The following VPS13C variants were observed in gnomAD, a reference collection of about 807,000 sequenced individuals.
VPS13C encodes the protein intermembrane lipid transfer protein VPS13C.
In VPS13C, 358 loss-of-function variants were observed where a neutral mutation model predicts 456.8. The ratio of observed to expected loss-of-function variants is 0.78; its 90% confidence interval spans 0.72 to 0.86. The LOEUF (loss-of-function observed/expected upper bound fraction) is 0.86. Ranked by LOEUF, VPS13C falls within the 40% of genes least tolerant of loss-of-function variation. VPS13C has a pLI of 0.00. For missense variants in VPS13C, 4,818 were observed against 4,385.4 expected (o/e 1.10, Z -2.79); for synonymous variants, 1,578 against 1,486.7 (o/e 1.06, Z -1.41).
chr15:61,947,461 G>T, intron 42 of VPS13C, 152 bp from the exon 43 acceptor site: 1 of 511,252 alleles, frequency 2.0e-6, no homozygotes, highest in Non-Finnish European at 3.4e-6. Context: ...CATAAATTTT[G>T]GAATAATTAT....
intron 9 of VPS13C, among the ~76,000 whole-genome samples, chr15:62,015,543 T>C (rs1470934714): frequency 1.3e-5 from 2 of 148,422 alleles, no homozygotes; most frequent in African/African-American, 5.1e-5. Context: ...CCAACAATGA[T>C]AGACTGGATT....
Position 61,959,550 on chromosome 15 carries a change from C to T in VPS13C, c.3954G>A (p.Leu1318=), listed in dbSNP as rs1567047511. ...CAAGAAATTCCAAGTTAATTGGGTG[C>T]AACAGCTGAATATCAGGATGGTAGA... ...PGIYHPDIQL[L]HPINLEFLVN... Residue 1318 remains leucine, a synonymous_variant, in exon 36 of 85, where the codon TTG becomes TTA. Coordinates refer to ENST00000644861, the MANE Select transcript of VPS13C (RefSeq NM_020821.3). The T allele has an allele frequency of 5.0e-6, 8 of 1,612,990 alleles. No individual in the cohort carries two copies. The highest frequency in any genetic ancestry group is 5.9e-6 in the Non-Finnish European group (7 of 1,179,326).
intron 81 of VPS13C, chr15:61,863,765 G>A (rs112750163): frequency 1.5e-4 from 50 of 334,320 alleles, no homozygotes; most frequent in African/African-American, 1.0e-3. Context: ...TGGTCTTCTG[G>A]TAAAATACAT....
At chr15:61,969,072 T>C (rs2045467205) in intron 28 of VPS13C, among the ~76,000 whole-genome samples, 1 of 152,128 alleles carries the variant, frequency 6.6e-6, no homozygotes, top group Admixed American at 6.6e-5. Context: ...TAGTAAATTA[T>C]ATTAATACAA....
At chr15:61,953,924 C>T (rs2044892263) in intron 38 of VPS13C, among the ~76,000 whole-genome samples, 1 of 152,156 alleles carries the variant, frequency 6.6e-6, no homozygotes, top group Admixed American at 6.6e-5. Context: ...TGAGTTCAGA[C>T]TCTACGCCTT....
At chr15:61,906,156 T>C (rs1167697097) in intron 66 of VPS13C, among the ~76,000 whole-genome samples, 1 of 152,178 alleles carries the variant, frequency 6.6e-6, no homozygotes, top group African/African-American at 2.4e-5. Flanking sequence ...CAACAATGTA[T>C]GATTTTCTTT....
Position 61,972,663 on chromosome 15 carries a change from C to T in VPS13C, c.2719G>A (p.Glu907Lys), listed in dbSNP as rs763408974. The change falls in exon 27 of 85, where the codon GAG (glutamate) becomes AAG (lysine). Residue 907 changes from glutamate to lysine, a missense_variant. Physicochemically the swap from Glu to Lys is moderately conservative, Grantham distance 56 (BLOSUM62 1). Transcript: ENST00000644861. The part of the protein sequence containing the change: ...LKKAAEVPNE[E>K]LINLLLKFEI... ...AACTTGAGTAGAAGATTGATGAGCT[C>T]CTCATTTGGGACCTCTGCAGCTTTT... is the stretch of plus-strand genomic sequence containing the variant. The T allele has an allele frequency of 3.4e-5, 55 of 1,613,206 alleles. No homozygotes were observed. The highest frequency in any genetic ancestry group is 3.7e-5 in the Non-Finnish European group (44 of 1,179,618).
intron 66 of VPS13C, among the ~76,000 whole-genome samples, chr15:61,897,022 C>G (rs1376624169): frequency 6.6e-6 from 1 of 152,182 alleles, no homozygotes; most frequent in East Asian, 1.9e-4. Flanking sequence ...GGTACTCCAA[C>G]AGACCTGCAG....
At chr15:61,905,451 A>C (rs530898365) in intron 66 of VPS13C, among the ~76,000 whole-genome samples, 1 of 152,252 alleles carries the variant, frequency 6.6e-6, no homozygotes, top group Non-Finnish European at 1.5e-5. Context: ...CTTTTAATAG[A>C]ATTTAAACCA....
At chr15:61,893,357 C>A (rs1167335386) in intron 66 of VPS13C, among the ~76,000 whole-genome samples, 2 of 152,120 alleles carry the variant, frequency 1.3e-5, no homozygotes, top group Admixed American at 1.3e-4. Flanking sequence ...AAGAAAAACC[C>A]TGCCAACCAA....
In VPS13C at chr15:61,963,950, C is replaced by A. The variant is rs2045297497; in HGVS notation, c.3216G>T (p.Ala1072=). 6.3e-7 allele frequency: 1 copy of A among 1,582,372 alleles called. No individual in the cohort carries two copies. The highest frequency in any genetic ancestry group is 1.4e-5 in the African/African-American group (1 of 73,870). ...KQQKNSTLPK[A]IVSSRDSDII... is the part of the protein sequence containing the mutation. Reference sequence around the variant, plus strand: ...TGTCACTATCTCTGGAGGATACAATCGCTAAAAATAAAACAAAGCATCTGT... The same window carrying A: ...TGTCACTATCTCTGGAGGATACAATAGCTAAAAATAAAACAAAGCATCTGT... Residue 1072 remains alanine, a splice_region_variant and synonymous_variant, in exon 32 of 85, where the codon GCG becomes GCT. Coordinates refer to ENST00000644861, the MANE Select transcript of VPS13C (RefSeq NM_020821.3).
intron 8 of VPS13C, among the ~76,000 whole-genome samples, chr15:62,021,054 A>T (rs1004520978): frequency 1.3e-5 from 2 of 151,908 alleles, no homozygotes; most frequent in African/African-American, 2.4e-5. Flanking sequence ...CAGAAAAACA[A>T]ACTGCACGTT....
chr15:61,928,290 G>A (rs2140212010), intron 51 of VPS13C, among the ~76,000 whole-genome samples: 1 of 151,950 alleles, frequency 6.6e-6, no homozygotes, highest in South Asian at 2.1e-4. Flanking sequence ...ATATTGCAGG[G>A]GCAAGAAGGG....
At chr15:62,032,508 T>A (rs931394985) in intron 5 of VPS13C, among the ~76,000 whole-genome samples, 3 of 151,688 alleles carry the variant, frequency 2.0e-5, no homozygotes, top group African/African-American at 7.2e-5. Context: ...TATTTCTGCA[T>A]AAGAAAAAAT....
At chr15:61,874,742 A>C (rs1940276489) in intron 77 of VPS13C, 134 bp downstream of exon 77, 2 of 721,442 alleles carry the variant, frequency 2.8e-6, no homozygotes, top group Admixed American at 6.6e-5. Context: ...AACATGGGAA[A>C]CATGTCTTTT....
intron 9 of VPS13C, among the ~76,000 whole-genome samples, chr15:62,019,370 AT>A (rs1225182119): frequency 1.3e-5 from 2 of 151,892 alleles, no homozygotes; most frequent in Non-Finnish European, 1.5e-5. Flanking sequence ...AGTTCTTTTA[AT>A]TGTGATGTTA....
chr15:61,871,995 C>T lies in VPS13C; in HGVS notation c.10618G>A (p.Val3540Met). 6.2e-7 allele frequency: 1 copy of T among 1,612,320 alleles called. No individual in the cohort carries two copies. Among genetic ancestry groups the T allele is most frequent in the South Asian group, 1.1e-5 (1 of 90,950 alleles). The change falls in exon 79 of 85, where the codon GTG becomes ATG. Residue 3540 changes from valine to methionine, a missense_variant. By Grantham distance (21) the Val-to-Met change is conservative. Around this residue, in one of 3 missense-constraint regions of VPS13C, gnomAD observed 4,552 missense variants for 4,130.6 expected, o/e 1.10. Transcript: ENST00000644861. ...GGVTGIITKP[V>M]EGAKKEGAAG... The stretch of plus-strand genomic sequence containing the variant: ...GGAAATATTTTCAACATACCTTCCA[C>T]AGGTTTTGTTATTATTCCAGTCACT...
Position 62,023,891 on chromosome 15 carries a change from T to C in VPS13C, c.449-46A>G, listed in dbSNP as rs777265709. On this transcript the variant is annotated intron_variant, in intron 6 of 84. Coordinates refer to ENST00000644861, the MANE Select transcript of VPS13C (RefSeq NM_020821.3). ...AGTGAGAAAAGGATAAGATTCAAGT[T>C]AGCAGACTACAGGACAGAAAAGAAA... 4.5e-6 allele frequency: 7 copies of C among 1,552,888 alleles called. No individual in the cohort carries two copies. In the East Asian group the frequency reaches 1.4e-4, roughly 30 times the overall value.
chr15:61,917,841 A>G lies in VPS13C; in HGVS notation c.7761-206T>C, dbSNP rs577264363. Among the ~76,000 whole-genome samples the G allele has an allele frequency of 1.2e-4, 19 of 152,234 alleles. No homozygotes were observed. In the South Asian group the frequency reaches 3.9e-3, roughly 32 times the overall value. Reference sequence around the variant, plus strand: ...AACTTACGGAGGACTTTCTGAAAAGAACAAACAAACAAAAAACAACTCTGT... The same window carrying G: ...AACTTACGGAGGACTTTCTGAAAAGGACAAACAAACAAAAAACAACTCTGT... On this transcript the variant is annotated intron_variant, in intron 59 of 84. Coordinates refer to ENST00000644861, the MANE Select transcript of VPS13C (RefSeq NM_020821.3).
Sources: allele counts gnomAD v4.1 joint callset (sites outside exome capture counted in the v4.1 genomes callset), GRCh38; gene constraint gnomAD v4.1.1; regional missense constraint gnomAD v4.1.1; transcripts MANE v1.5; gene names NCBI Gene and HGNC (gene_info 2026-07-23, HGNC 2026-07-21).